The following MACROD2 variants were observed in gnomAD, a reference collection of about 807,000 sequenced individuals.
MACROD2 encodes mono-ADP ribosylhydrolase 2, also known as ADP-ribose glycohydrolase MACROD2.
A neutral mutation model predicts 70.4 loss-of-function variants in MACROD2; 36 were observed. That is an observed-to-expected ratio of 0.51 (90% confidence interval 0.39 to 0.68). The LOEUF is 0.68. Ranked by LOEUF, MACROD2 falls within the 30% of genes least tolerant of loss-of-function variation. The pLI is 0.00. For missense variants in MACROD2, 496 were observed against 538.4 expected, an observed-to-expected ratio of 0.92 and a Z score of 0.78; for synonymous variants, 172 against 178.8, an observed-to-expected ratio of 0.96 and a Z score of 0.30.
In MACROD2 at chr20:14,926,930, T is replaced by C. The variant is rs528177972; in HGVS notation, c.418+241971T>C. On this transcript the variant is annotated intron_variant, in intron 5 of 17. Coordinates refer to ENST00000684519, the MANE Select transcript of MACROD2 (RefSeq NM_001351661.2). The stretch of plus-strand genomic sequence containing the variant: ...CACTATAGCCTTACCAAATTGATGA[T>C]AATTATATTGGGTTTCCTGTGATTC... Among the ~76,000 whole-genome samples the C allele has an allele frequency of 1.4e-4, 21 of 152,302 alleles. No homozygotes were observed. The South Asian group carries it at 4.4e-3, about 32-fold the overall frequency.
chr20:15,727,464 A>AT (rs35161760), intron 8 of MACROD2, among the ~76,000 whole-genome samples: 107,232 of 151,774 alleles, frequency 0.71, 39,964 homozygotes, highest in Non-Finnish European at 0.84. Flanking sequence ...TTTTTTTCTG[A>AT]TTCTGTGAAG....
intron 7 of MACROD2, among the ~76,000 whole-genome samples, chr20:15,440,444 A>G (rs1278310433): frequency 6.6e-6 from 1 of 152,180 alleles, no homozygotes; most frequent in Non-Finnish European, 1.5e-5. Flanking sequence ...GCAGGCTGCA[A>G]CTTTCTAATT....
At chr20:15,447,755 A>C (rs1343687453) in intron 7 of MACROD2, among the ~76,000 whole-genome samples, 1 of 152,154 alleles carries the variant, frequency 6.6e-6, no homozygotes, top group African/African-American at 2.4e-5. Context: ...TGCTTAGGAC[A>C]CTGGAAACAT....
chr20:16,022,775 G>A (rs934861947), intron 15 of MACROD2, among the ~76,000 whole-genome samples: 10 of 152,182 alleles, frequency 6.6e-5, no homozygotes, highest in South Asian at 2.1e-4. Context: ...ACAGTGTGAT[G>A]TCCGTTGTTT....
intron 8 of MACROD2, among the ~76,000 whole-genome samples, chr20:15,728,406 C>A (rs1262947199): frequency 6.6e-6 from 1 of 152,144 alleles, no homozygotes; most frequent in Non-Finnish European, 1.5e-5. Flanking sequence ...CAGGATAATG[C>A]TGGCCTAATA....
rs2046119434 is a variant in MACROD2, at chr20:15,414,442, T to G, written c.541-16963T>G. ...GCTCCAATTTTTGGAATATATTGAC[T>G]GTGGTCTAAGCTGTAGACGTGTCAT... On this transcript the variant is annotated intron_variant, in intron 6 of 17. Coordinates refer to ENST00000684519, the MANE Select transcript of MACROD2 (RefSeq NM_001351661.2). 2.0e-5 allele frequency among the ~76,000 whole-genome samples: 3 copies of G among 152,236 alleles called. No homozygotes were observed. In the South Asian group the frequency reaches 6.2e-4, roughly 32 times the overall value.
intron 5 of MACROD2, among the ~76,000 whole-genome samples, chr20:14,942,315 G>C (rs2074396918): frequency 1.3e-5 from 2 of 151,976 alleles, no homozygotes; most frequent in Non-Finnish European, 2.9e-5. Context: ...TTCTGAAATA[G>C]AATAATAATT....
intron 8 of MACROD2, among the ~76,000 whole-genome samples, chr20:15,777,510 T>TTTCC (rs746262814): frequency 5.8e-4 from 48 of 83,276 alleles, no homozygotes; most frequent in East Asian, 3.3e-3. Flanking sequence ...TCCTTCCTTC[T>TTTCC]TTCCTTCCTT....
chr20:15,323,929 T>A (rs2077899263), intron 6 of MACROD2, among the ~76,000 whole-genome samples: 1 of 152,042 alleles, frequency 6.6e-6, no homozygotes, highest in South Asian at 2.1e-4. Flanking sequence ...TTCCAGTTCA[T>A]CCCCTTGACT....
intron 5 of MACROD2, among the ~76,000 whole-genome samples, chr20:15,133,905 CTTTTTTTT>C (rs11467185): frequency 8.1e-5 from 9 of 111,290 alleles, no homozygotes; most frequent in Admixed American, 9.2e-5. Flanking sequence ...TTTAAATAAT[CTTTTTTTT>C]TTTTTTTTTT....
intron 5 of MACROD2, among the ~76,000 whole-genome samples, chr20:15,005,783 C>T (rs1047115148): frequency 1.3e-5 from 2 of 152,118 alleles, no homozygotes; most frequent in African/African-American, 2.4e-5. Flanking sequence ...GCCTACCAAA[C>T]GTTTATTCTT....
At chr20:15,367,105 G>A (rs2045421563) in intron 6 of MACROD2, among the ~76,000 whole-genome samples, 2 of 148,672 alleles carry the variant, frequency 1.3e-5, no homozygotes, top group Admixed American at 6.7e-5. Context: ...TCGGCTCACT[G>A]TAACCTCCGC....
intron 2 of MACROD2, among the ~76,000 whole-genome samples, chr20:14,085,364 G>A (rs1452284821): frequency 6.6e-6 from 1 of 151,948 alleles, no homozygotes. Context: ...TTACCCATAA[G>A]TATTGAATTT....
Position 15,731,703 on chromosome 20 carries a change from C to T in MACROD2, c.646-131042C>T, listed in dbSNP as rs142906044. On this transcript the variant is annotated intron_variant, in intron 8 of 17. Transcript: ENST00000684519. ...GCATTGCAGAGAGGTGCACATGCGT[C>T]GCCTGGGGCAGGATACTGGCAGAAA... Among the ~76,000 whole-genome samples, 2 of 58,016 alleles carry T rather than the reference C, an allele frequency of 3.4e-5. 1 individual carries two copies. The highest frequency in any genetic ancestry group is 3.4e-4 in the Admixed American group (2 of 5,930). 38.1% of individuals were successfully genotyped at this position (58,016 alleles called of 152,430 possible).
intron 8 of MACROD2, among the ~76,000 whole-genome samples, chr20:15,804,256 T>C (rs968310604): frequency 2.0e-5 from 3 of 152,214 alleles, no homozygotes; most frequent in Admixed American, 6.5e-5. Context: ...TTTTAAATTG[T>C]AGAGTCCTAA....
chr20:14,091,635 T>C (rs1374144866), intron 3 of MACROD2, among the ~76,000 whole-genome samples: 8 of 152,116 alleles, frequency 5.3e-5, no homozygotes, highest in Non-Finnish European at 1.2e-4. Context: ...ATAATAATAA[T>C]AATAAAGTCA....
intron 5 of MACROD2, among the ~76,000 whole-genome samples, chr20:15,082,435 A>C (rs143653817): frequency 2.0e-5 from 3 of 152,188 alleles, no homozygotes; most frequent in Non-Finnish European, 2.9e-5. Context: ...TCCTAACTCA[A>C]TAACTTCTTA....
At position 15,229,999 on chromosome 20, in the gene MACROD2, G is replaced by T. The variant is rs750028619; in HGVS notation, c.478G>T (p.Asp160Tyr). Residue 160 changes from aspartate (D) to tyrosine (Y), a missense_variant, in exon 6 of 18, where the codon GAC becomes TAC. By Grantham distance (160) the Asp-to-Tyr change is radical. Coordinates refer to ENST00000684519, the MANE Select transcript of MACROD2 (RefSeq NM_001351661.2). Reference sequence around the variant, plus strand: ...CCATATTAATGGTTCCCACAAGGAAGACCTTGCAAATTGCTATAAATCATC... The same window carrying T: ...CCATATTAATGGTTCCCACAAGGAATACCTTGCAAATTGCTATAAATCATC... ...RGHINGSHKE[D>Y]LANCYKSSLK... 2 of 1,613,534 alleles carry T rather than the reference G, an allele frequency of 1.2e-6. No homozygotes were observed. The highest frequency in any genetic ancestry group is 1.7e-5 in the Admixed American group (1 of 59,998).
intron 5 of MACROD2, among the ~76,000 whole-genome samples, chr20:15,001,965 A>G (rs1568920545): frequency 6.6e-6 from 1 of 152,056 alleles, no homozygotes; most frequent in Non-Finnish European, 1.5e-5. Context: ...ACACACACAC[A>G]CACACACATA....
Sources: gnomAD v4.1 joint callset for allele counts (sites outside exome capture counted in the v4.1 genomes callset) on GRCh38, gnomAD v4.1.1 for gene constraint, MANE v1.5 for transcripts, NCBI Gene and HGNC (gene_info 2026-07-23, HGNC 2026-07-21) for gene names.